Variants in KCNH8 observed in about 807,000 individuals in gnomAD.
KCNH8 encodes voltage-gated delayed rectifier potassium channel KCNH8.
A neutral mutation model predicts 103.6 loss-of-function variants in KCNH8; 70 were observed. The ratio of observed to expected loss-of-function variants is 0.68; its 90% CI spans 0.56 to 0.82. The LOEUF (loss-of-function observed/expected upper bound fraction) is 0.82, where lower values mean the gene tolerates loss of function less well. KCNH8 is among the 40% of genes least tolerant of loss of function. The pLI is 0.00. For synonymous variants in KCNH8, 498 were observed against 489.4 expected (o/e 1.02, Z -0.23); for missense variants, 1,217 against 1,329.9 (o/e 0.92, Z 1.32).
intron 5 of KCNH8, among the ~76,000 whole-genome samples, chr3:19,350,282 G>A (rs137981193): frequency 6.6e-6 from 1 of 152,152 alleles, no homozygotes; most frequent in African/African-American, 2.4e-5. Context: ...CTGTAATATT[G>A]TATCTTTACA....
At chr3:19,345,338 C>T (rs59130429) in intron 4 of KCNH8, among the ~76,000 whole-genome samples, 202 of 152,128 alleles carry the variant, frequency 1.3e-3, no homozygotes, top group African/African-American at 4.7e-3. Context: ...ACTGTAGAAA[C>T]ATTTTCACAT....
At chr3:19,521,266 T>C (rs540522988) in intron 15 of KCNH8, among the ~76,000 whole-genome samples, 1 of 151,998 alleles carries the variant, frequency 6.6e-6, no homozygotes, top group Non-Finnish European at 1.5e-5. Context: ...AAACACACTA[T>C]GGAAGAAAGA....
At chr3:19,274,679 A>G (rs1341828286) in intron 2 of KCNH8, among the ~76,000 whole-genome samples, 1 of 152,100 alleles carries the variant, frequency 6.6e-6, no homozygotes, top group African/African-American at 2.4e-5. Context: ...CCTAATTATT[A>G]GAGATTTCTG....
chr3:19,243,475 C>T (rs2064167554), intron 1 of KCNH8, among the ~76,000 whole-genome samples: 1 of 151,336 alleles, frequency 6.6e-6, no homozygotes, highest in Non-Finnish European at 1.5e-5. Flanking sequence ...TGTAAAGCTA[C>T]TCATCTTTCC....
At chr3:19,408,067 G>A (rs1559313529) in intron 7 of KCNH8, among the ~76,000 whole-genome samples, 1 of 152,082 alleles carries the variant, frequency 6.6e-6, no homozygotes, top group African/African-American at 2.4e-5. Flanking sequence ...ATGAGTCAGT[G>A]CATTGGTTGA....
chr3:19,181,868 G>C (rs1261264839), intron 1 of KCNH8, among the ~76,000 whole-genome samples: 1 of 152,066 alleles, frequency 6.6e-6, no homozygotes, highest in Non-Finnish European at 1.5e-5. Flanking sequence ...TACAAAACTG[G>C]ACAAGAATAG....
intron 11 of KCNH8, among the ~76,000 whole-genome samples, chr3:19,497,509 C>T (rs973479889): frequency 1.3e-5 from 2 of 151,850 alleles, no homozygotes; most frequent in Non-Finnish European, 2.9e-5. Context: ...GTAAAACTCA[C>T]TCAGGAGCAG....
At chr3:19,177,895 C>A (rs1016487884) in intron 1 of KCNH8, among the ~76,000 whole-genome samples, 13 of 152,078 alleles carry the variant, frequency 8.5e-5, no homozygotes, top group Admixed American at 2.0e-4. Context: ...CATCTTCTGA[C>A]ATAGTTAATT....
intron 1 of KCNH8, among the ~76,000 whole-genome samples, chr3:19,234,889 A>G (rs2064044550): frequency 6.6e-6 from 1 of 152,266 alleles, no homozygotes; most frequent in Admixed American, 6.5e-5. Flanking sequence ...TGTCCTGTCC[A>G]GCGTGGGTTT....
intron 3 of KCNH8, among the ~76,000 whole-genome samples, chr3:19,340,053 G>A (rs1365573686): frequency 6.6e-6 from 1 of 151,950 alleles, no homozygotes; most frequent in African/African-American, 2.4e-5. Context: ...TAGACCTTCA[G>A]TTTTCTCGTC....
intron 11 of KCNH8, among the ~76,000 whole-genome samples, chr3:19,494,127 T>A (rs1299880062): frequency 6.6e-6 from 1 of 152,224 alleles, no homozygotes; most frequent in Non-Finnish European, 1.5e-5. Context: ...TTGCTTAGGA[T>A]AATTGCCTCC....
At chr3:19,240,976 C>T (rs1019868535) in intron 1 of KCNH8, among the ~76,000 whole-genome samples, 1 of 152,114 alleles carries the variant, frequency 6.6e-6, no homozygotes, top group Non-Finnish European at 1.5e-5. Context: ...CATGATAACC[C>T]TCTACTAGTC....
intron 1 of KCNH8, among the ~76,000 whole-genome samples, chr3:19,233,818 C>G (rs939488012): frequency 2.0e-5 from 3 of 152,012 alleles, no homozygotes; most frequent in Non-Finnish European, 2.9e-5. Context: ...TTCTTAAAGG[C>G]GGCGTGTCTG....
chr3:19,472,452 T>C (rs915464175), intron 11 of KCNH8, among the ~76,000 whole-genome samples: 4 of 152,140 alleles, frequency 2.6e-5, no homozygotes, highest in African/African-American at 9.7e-5. Flanking sequence ...GTTCTTATGA[T>C]AGTGAATTAG....
chr3:19,348,720 C>T (rs2065760625), intron 5 of KCNH8, among the ~76,000 whole-genome samples: 1 of 151,996 alleles, frequency 6.6e-6, no homozygotes, highest in Non-Finnish European at 1.5e-5. Context: ...ATACCTGCTT[C>T]TTTCCTTGGT....
chr3:19,386,604 T>C (rs903574860), intron 5 of KCNH8, among the ~76,000 whole-genome samples: 3 of 152,168 alleles, frequency 2.0e-5, no homozygotes, highest in Non-Finnish European at 2.9e-5. Context: ...TATATGTGTG[T>C]GTTTTGTACT....
At chr3:19,412,016 T>A (rs1559315369) in intron 7 of KCNH8, among the ~76,000 whole-genome samples, 1 of 151,134 alleles carries the variant, frequency 6.6e-6, no homozygotes, top group Non-Finnish European at 1.5e-5. Context: ...AAGAATTATT[T>A]AAAAAAAATA....
intron 11 of KCNH8, among the ~76,000 whole-genome samples, chr3:19,462,431 A>C (rs1248336284): frequency 6.6e-6 from 1 of 152,184 alleles, no homozygotes; most frequent in Non-Finnish European, 1.5e-5. Context: ...TGGCTGCATA[A>C]GTGTCTTCTT....
chr3:19,475,154 T>C (rs1310589497), intron 11 of KCNH8, among the ~76,000 whole-genome samples: 1 of 152,184 alleles, frequency 6.6e-6, no homozygotes, highest in Non-Finnish European at 1.5e-5. Context: ...AAATATTCAT[T>C]GAGGCATCAT....
Sources: gnomAD v4.1 joint callset for allele counts (sites outside exome capture counted in the v4.1 genomes callset) on GRCh38, gnomAD v4.1.1 for gene constraint, MANE v1.5 for transcripts, NCBI Gene and HGNC (gene_info 2026-07-23, HGNC 2026-07-21) for gene names.